The following WDR45B variants were observed in gnomAD, a reference collection of about 807,000 sequenced individuals.
The protein encoded by WDR45B is WD repeat domain 45B.
A neutral mutation model predicts 44.6 loss-of-function variants in WDR45B; 20 were observed. The ratio of observed to expected loss-of-function variants is 0.45; its 90% CI spans 0.32 to 0.65. The LOEUF is 0.65. WDR45B is among the 30% of genes least tolerant of loss of function. The pLI is 0.05. For missense variants in WDR45B, 323 were observed against 430.2 expected (o/e 0.75, Z 2.20); for synonymous variants, 169 against 164.9 (o/e 1.02, Z -0.19).
At chr17:82,643,869 C>T in intron 2 of WDR45B, 80 bp downstream of exon 2, 5 of 1,396,534 alleles carry the variant, frequency 3.6e-6, no homozygotes, top group Non-Finnish European at 4.9e-6. Flanking sequence ...CATCCCTTCC[C>T]TGCTCCACCT....
At chr17:82,628,332 T>G (rs574570852) in intron 3 of WDR45B, among the ~76,000 whole-genome samples, 1 of 152,342 alleles carries the variant, frequency 6.6e-6, no homozygotes, top group African/African-American at 2.4e-5. Flanking sequence ...CTGTCTTGTT[T>G]GCCTGCTAAC....
intron 5 of WDR45B, among the ~76,000 whole-genome samples, chr17:82,624,834 G>A (rs1343009527): frequency 6.7e-6 from 1 of 149,542 alleles, no homozygotes. Context: ...TAGCCAGGAT[G>A]GTCTTAATCT....
In WDR45B at chr17:82,615,892, T is replaced by TG; in HGVS notation, c.*26dup. 6.2e-7 allele frequency: 1 copy of TG among 1,601,338 alleles called. No homozygotes were observed. Among genetic ancestry groups the TG allele is most frequent in the Non-Finnish European group, 8.5e-7 (1 of 1,169,754 alleles). On this transcript the variant is annotated 3_prime_UTR_variant, in exon 10 of 10. Transcript: ENST00000392325. ...CCGAGAGTCTGAAGGCGGCAGGTGG[T>TG]GGGTGCTGTGGCGCCCCCAGCTGGA... is the stretch of plus-strand genomic sequence containing the variant.
Position 82,631,152 on chromosome 17 carries a change from G to A in WDR45B, c.143-130C>T, listed in dbSNP as rs560766579. ...TTTTTGTAAGAGACAAGATCTCACT[G>A]TGTTGCCCAGGCTGGAATGCAGTAG... On this transcript the variant is annotated intron_variant, in intron 2 of 9. Transcript: ENST00000392325. The A allele has an allele frequency of 6.5e-5, 55 of 847,384 alleles. 1 individual carries two copies. In the South Asian group the frequency reaches 6.5e-4, roughly 10 times the overall value. 52.5% of individuals were successfully genotyped at this position (847,384 alleles called of 1,614,324 possible).
intron 7 of WDR45B, among the ~76,000 whole-genome samples, chr17:82,618,838 T>G (rs1433882448): frequency 6.6e-6 from 1 of 152,214 alleles, no homozygotes; most frequent in East Asian, 1.9e-4. Context: ...TCTTTCTACT[T>G]CTGTGTAATT....
chr17:82,617,394 G>A lies in WDR45B; in HGVS notation c.708C>T (p.Ile236=), dbSNP rs756853385. The A allele has an allele frequency of 6.8e-6, 11 of 1,614,148 alleles. No homozygotes were observed. The South Asian group carries it at 1.2e-4, about 18-fold the overall frequency. Residue 236 remains isoleucine (I), a synonymous_variant, in exon 8 of 10, where the codon ATC becomes ATT. Transcript: ENST00000392325. ...TGAGGGACGCATCCTGATTGAAGTT[G>A]ATGCTGCAGAGAAAACCAGCACAGC... The part of the protein sequence containing the change: ...RGSQAANIYC[I]NFNQDASLIC...
Position 82,643,129 on chromosome 17 carries a change from T to C in WDR45B, c.142+820A>G, listed in dbSNP as rs2045937371. ...GAGGCAGGCATTGTTATCAACCTTA[T>C]TTCACGTACAAAGAAAGTGAGGTGG... On this transcript the variant is annotated intron_variant, in intron 2 of 9. Transcript: ENST00000392325. 2.6e-5 allele frequency among the ~76,000 whole-genome samples: 4 copies of C among 152,160 alleles called. No homozygotes were observed. The South Asian group carries it at 8.3e-4, about 32-fold the overall frequency.
intron 4 of WDR45B, 124 bp downstream of exon 4, chr17:82,627,080 A>T: frequency 1.2e-6 from 1 of 846,206 alleles, no homozygotes; most frequent in Non-Finnish European, 2.0e-6. Context: ...TGGTCATAAA[A>T]ACCAGGACCA....
Position 82,630,268 on chromosome 17 carries a change from G to A in WDR45B, c.244+653C>T, listed in dbSNP as rs117316345. On this transcript the variant is annotated intron_variant, in intron 3 of 9. Transcript: ENST00000392325. ...TGGCCACACGTTACCTGGCATTCAA[G>A]CCTCCCCCAGATCTGCCTCCCACCT... Among the ~76,000 whole-genome samples, 932 of 151,612 alleles carry A rather than the reference G, an allele frequency of 6.1e-3. 5 individuals are homozygous for A. Among genetic ancestry groups the A allele is most frequent in the Non-Finnish European group, 7.2e-3 (488 of 67,886 alleles).
At position 82,615,155 on chromosome 17, in the gene WDR45B, A is replaced by G. The variant is rs972904036; in HGVS notation, c.*764T>C. 4.6e-4 allele frequency: 71 copies of G among 152,816 alleles called. No individual in the cohort carries two copies. The highest frequency in any genetic ancestry group is 1.7e-3 in the African/African-American group (69 of 41,572). 9.5% of individuals were successfully genotyped at this position (152,816 alleles called of 1,614,324 possible). On this transcript the variant is annotated 3_prime_UTR_variant, in exon 10 of 10. Transcript: ENST00000392325. ...CATAACCGGGAAACAGGTTTAATCCAAAATGTAACCAGGAGACCCCCCGTC... is the reference window on the plus strand; with the variant it reads ...CATAACCGGGAAACAGGTTTAATCCGAAATGTAACCAGGAGACCCCCCGTC...
rs900977702 is a variant in WDR45B at position 82,616,718 on chromosome 17, C to T, written c.807-73G>A. On this transcript the variant is annotated intron_variant, in intron 8 of 9. Transcript: ENST00000392325. ...AAATCACCTGCGTAAGCTCAGAATA[C>T]GCTGCTGAAAATACGAAAATGCTCC... 132 of 1,595,394 alleles carry T rather than the reference C, an allele frequency of 8.3e-5. 1 individual carries two copies. In the East Asian group the frequency reaches 1.9e-3, roughly 22 times the overall value.
chr17:82,617,557 C>T (rs1465541010), intron 7 of WDR45B, 160 bp from the exon 8 acceptor site: 6 of 718,652 alleles, frequency 8.3e-6, no homozygotes, highest in East Asian at 5.6e-5. Flanking sequence ...GACAACCATC[C>T]CCACAGCACC....
At chr17:82,640,353 CTTTTTTTTT>C (rs1185316610) in intron 2 of WDR45B, among the ~76,000 whole-genome samples, 1 of 140,228 alleles carries the variant, frequency 7.1e-6, no homozygotes, top group African/African-American at 2.6e-5. Flanking sequence ...GGATTTTTTT[CTTTTTTTTT>C]TTTTTTTAAG....
chr17:82,619,273 C>A, intron 6 of WDR45B, 145 bp from the exon 7 acceptor site: 1 of 789,430 alleles, frequency 1.3e-6, no homozygotes, highest in Non-Finnish European at 2.1e-6. Context: ...CTTTCTCCTC[C>A]AACTGCCAGC....
chr17:82,637,584 T>G (rs1159462084), intron 2 of WDR45B, among the ~76,000 whole-genome samples: 1 of 152,054 alleles, frequency 6.6e-6, no homozygotes, highest in African/African-American at 2.4e-5. Context: ...TCAAAACTTC[T>G]GACTGACCAG....
At chr17:82,639,390 T>C (rs973893128) in intron 2 of WDR45B, among the ~76,000 whole-genome samples, 1 of 151,878 alleles carries the variant, frequency 6.6e-6, no homozygotes, top group Non-Finnish European at 1.5e-5. Context: ...CACCAAACAG[T>C]ACATCTATAA....
intron 1 of WDR45B, among the ~76,000 whole-genome samples, chr17:82,645,031 T>C (rs1025314936): frequency 6.6e-6 from 1 of 152,096 alleles, no homozygotes; most frequent in African/African-American, 2.4e-5. Context: ...CATGGTGGCA[T>C]GTGCCTGTAA....
At chr17:82,633,181 A>C (rs11869121) in intron 2 of WDR45B, among the ~76,000 whole-genome samples, 4,440 of 138,094 alleles carry the variant, frequency 0.032, 225 homozygotes, top group African/African-American at 0.11. Flanking sequence ...AAAAAAAAAA[A>C]CCAGCACGGG....
At chr17:82,619,235 A>C in intron 6 of WDR45B, 107 bp from the exon 7 acceptor site, 7 of 1,028,524 alleles carry the variant, frequency 6.8e-6, no homozygotes, top group Admixed American at 1.9e-5. Context: ...AGCCTTTCTC[A>C]AACTCACCCA....
Sources: allele counts gnomAD v4.1 joint callset (sites outside exome capture counted in the v4.1 genomes callset), GRCh38; gene constraint gnomAD v4.1.1; transcripts MANE v1.5; gene names NCBI Gene and HGNC (gene_info 2026-07-23, HGNC 2026-07-21).